Variants in CDH12 observed in about 807,000 individuals in gnomAD.
The protein encoded by CDH12 is cadherin-12.
CDH12 carries 41 observed loss-of-function variants against 74.1 expected under a neutral mutation model. The ratio of observed to expected loss-of-function variants is 0.55; its 90% CI spans 0.43 to 0.72. CDH12 has a LOEUF of 0.72. Ranked by LOEUF, CDH12 falls within the 30% of genes least tolerant of loss-of-function variation. The pLI is 0.00. For synonymous variants in CDH12, 399 were observed against 355.0 expected (o/e 1.12, Z -1.39); for missense variants, 945 against 977.2 (o/e 0.97, Z 0.44).
At chr5:22,675,981 T>A (rs1741168219) in intron 1 of CDH12, among the ~76,000 whole-genome samples, 1 of 150,464 alleles carries the variant, frequency 6.6e-6, no homozygotes, top group Admixed American at 6.7e-5. Context: ...TTCAGATCCA[T>A]TAAGGAACAC....
chr5:21,877,231 T>C (rs374532341), intron 6 of CDH12, among the ~76,000 whole-genome samples: 8 of 149,378 alleles, frequency 5.4e-5, no homozygotes, highest in African/African-American at 2.0e-4. Flanking sequence ...GAAGAAGAGG[T>C]GAGTGTTCTT....
chr5:22,301,998 T>A (rs1419691415), intron 3 of CDH12, among the ~76,000 whole-genome samples: 1 of 128,976 alleles, frequency 7.8e-6, no homozygotes, highest in Non-Finnish European at 1.8e-5. Flanking sequence ...TATAGGTACA[T>A]ATATATATAT....
chr5:21,868,315 C>T (rs1032499734), intron 6 of CDH12, among the ~76,000 whole-genome samples: 7 of 152,228 alleles, frequency 4.6e-5, no homozygotes, highest in African/African-American at 1.2e-4. Context: ...TAAAACAGAC[C>T]GATACACCAT....
intron 8 of CDH12, among the ~76,000 whole-genome samples, chr5:21,827,542 CACA>C: frequency 6.6e-6 from 1 of 152,258 alleles, no homozygotes; most frequent in East Asian, 1.9e-4. Flanking sequence ...TTACAAAGCT[CACA>C]ACATTAAAGT....
chr5:22,699,592 C>T (rs1444195483), intron 1 of CDH12, among the ~76,000 whole-genome samples: 1 of 151,876 alleles, frequency 6.6e-6, no homozygotes, highest in Non-Finnish European at 1.5e-5. Flanking sequence ...GGATCTGGTC[C>T]CAAGAAGGGT....
intron 6 of CDH12, among the ~76,000 whole-genome samples, chr5:21,925,903 C>A (rs185939791): frequency 1.1e-3 from 162 of 151,086 alleles, no homozygotes; most frequent in African/African-American, 3.8e-3. Flanking sequence ...ATTTAATTTT[C>A]TTGGATATGA....
intron 3 of CDH12, among the ~76,000 whole-genome samples, chr5:22,355,465 T>C (rs1192156268): frequency 1.3e-5 from 2 of 151,238 alleles, no homozygotes; most frequent in Non-Finnish European, 2.9e-5. Flanking sequence ...TAGTAAGTAC[T>C]GCTGAACACC....
chr5:22,060,403 T>A (rs938228998), intron 5 of CDH12, among the ~76,000 whole-genome samples: 1 of 151,876 alleles, frequency 6.6e-6, no homozygotes, highest in Non-Finnish European at 1.5e-5. Context: ...GATTGAGAGG[T>A]GCAGCAAACC....
chr5:22,227,033 G>T (rs889392478), intron 3 of CDH12, among the ~76,000 whole-genome samples: 2 of 152,086 alleles, frequency 1.3e-5, no homozygotes, highest in Non-Finnish European at 2.9e-5. Flanking sequence ...TGATGTTTCA[G>T]CAATACCACG....
At chr5:22,267,611 A>C (rs1427431554) in intron 3 of CDH12, among the ~76,000 whole-genome samples, 1 of 152,162 alleles carries the variant, frequency 6.6e-6, no homozygotes, top group Non-Finnish European at 1.5e-5. Context: ...GTTACAATGT[A>C]TTTGTATCAT....
chr5:22,497,690 T>C (rs1747158107), intron 2 of CDH12, among the ~76,000 whole-genome samples: 1 of 129,522 alleles, frequency 7.7e-6, no homozygotes. Flanking sequence ...TCACCTAGGC[T>C]GGAATGCAGT....
intron 1 of CDH12, among the ~76,000 whole-genome samples, chr5:22,554,990 AAC>A (rs1469134040): frequency 2.0e-5 from 3 of 152,150 alleles, no homozygotes; most frequent in Non-Finnish European, 2.9e-5. Context: ...AGAAAATAAA[AAC>A]AGTTTATTCA....
intron 3 of CDH12, among the ~76,000 whole-genome samples, chr5:22,392,601 A>G (rs751833173): frequency 3.3e-5 from 5 of 152,014 alleles, no homozygotes; most frequent in Non-Finnish European, 7.4e-5. Flanking sequence ...TTCCTTTACA[A>G]CTCCAACAGT....
intron 4 of CDH12, among the ~76,000 whole-genome samples, chr5:22,127,985 T>C (rs1745978841): frequency 6.6e-6 from 1 of 151,916 alleles, no homozygotes; most frequent in African/African-American, 2.4e-5. Context: ...ATGTGTAATA[T>C]GCTATCTCAA....
chr5:22,328,007 C>A (rs1739193411), intron 3 of CDH12, among the ~76,000 whole-genome samples: 1 of 152,056 alleles, frequency 6.6e-6, no homozygotes, highest in Admixed American at 6.5e-5. Flanking sequence ...AGTGTGTAAT[C>A]TAAGAATATT....
intron 6 of CDH12, among the ~76,000 whole-genome samples, chr5:21,908,389 T>C (rs1406859282): frequency 6.6e-6 from 1 of 152,212 alleles, no homozygotes. Flanking sequence ...TGACTTAAAC[T>C]GGGCTCTTTT....
At chr5:22,465,116 T>G in intron 2 of CDH12, among the ~76,000 whole-genome samples, 1 of 151,940 alleles carries the variant, frequency 6.6e-6, no homozygotes, top group East Asian at 1.9e-4. Flanking sequence ...GTTCTAATAT[T>G]TTGGAATCTC....
intron 4 of CDH12, among the ~76,000 whole-genome samples, chr5:22,125,317 G>T (rs1409623460): frequency 6.6e-6 from 1 of 151,952 alleles, no homozygotes; most frequent in Non-Finnish European, 1.5e-5. Context: ...GTGTCCATTT[G>T]TTCTCACTGT....
intron 12 of CDH12, among the ~76,000 whole-genome samples, chr5:21,762,057 C>T (rs1051670239): frequency 1.3e-5 from 2 of 152,132 alleles, no homozygotes; most frequent in Non-Finnish European, 2.9e-5. Flanking sequence ...GCAGATCACT[C>T]AATTTCATTG....
Sources: allele counts gnomAD v4.1 joint callset (sites outside exome capture counted in the v4.1 genomes callset), GRCh38; gene constraint gnomAD v4.1.1; transcripts MANE v1.5; gene names NCBI Gene and HGNC (gene_info 2026-07-23, HGNC 2026-07-21).